CEP170: variants seen among roughly 807,000 people sequenced by gnomAD.
The protein encoded by CEP170 is centrosomal protein of 170 kDa.
CEP170 carries 21 observed loss-of-function variants against 151.9 expected under a neutral mutation model. That is an observed-to-expected ratio of 0.14 (90% CI 0.10 to 0.20). The LOEUF is 0.20. CEP170 is among the 10% of genes least tolerant of loss of function. The probability of loss-of-function intolerance (pLI) is 1.00; values close to 1 mark genes in which losing one functional copy is unlikely to be tolerated. For synonymous variants in CEP170, 356 were observed against 648.8 expected (o/e 0.55, Z 6.86); for missense variants, 964 against 1,892.9 (o/e 0.51, Z 9.11).
intron 8 of CEP170, among the ~76,000 whole-genome samples, chr1:243,186,840 T>G (rs1188825513): frequency 6.6e-6 from 1 of 152,188 alleles, no homozygotes; most frequent in Admixed American, 6.5e-5. Flanking sequence ...GTAATGTCAC[T>G]GAAATGCTTA....
At chr1:243,199,601 A>T (rs890033409) in intron 6 of CEP170, among the ~76,000 whole-genome samples, 3 of 152,172 alleles carry the variant, frequency 2.0e-5, no homozygotes, top group Non-Finnish European at 2.9e-5. Context: ...CAGTCTGATC[A>T]GAAATGGCTC....
Position 243,225,245 on chromosome 1 carries a change from T to A in CEP170, c.36A>T (p.Gly12=). ...SLTSWFLVSS[G]GTRHRLPREM... is the part of the protein sequence containing the mutation. ...CTCGTGGCAGCCTGTGGCGAGTGCC[T>A]CCACTGCTCACCAAAAACCAGGATG... is the stretch of plus-strand genomic sequence containing the variant. The change falls in exon 2 of 20, where the codon GGA becomes GGT. Residue 12 remains glycine (G), a synonymous_variant. Coordinates refer to ENST00000366542, the MANE Select transcript of CEP170 (RefSeq NM_014812.3). The A allele has an allele frequency of 1.9e-6, 3 of 1,596,876 alleles. No homozygotes were observed. The highest frequency in any genetic ancestry group is 2.6e-6 in the Non-Finnish European group (3 of 1,172,488).
At chr1:243,136,931 G>GT (rs1323833469) in intron 16 of CEP170, among the ~76,000 whole-genome samples, 5 of 152,138 alleles carry the variant, frequency 3.3e-5, no homozygotes, top group African/African-American at 1.2e-4. Context: ...ACACAAAATA[G>GT]TAAGTTTTTG....
At chr1:243,149,075 T>C (rs1251517971) in intron 14 of CEP170, among the ~76,000 whole-genome samples, 6 of 152,168 alleles carry the variant, frequency 3.9e-5, no homozygotes, top group Non-Finnish European at 4.4e-5. Flanking sequence ...TCAAAAGAGA[T>C]AGAGATTTAA....
intron 1 of CEP170, among the ~76,000 whole-genome samples, chr1:243,248,777 C>A (rs1451543286): frequency 6.6e-6 from 1 of 152,126 alleles, no homozygotes; most frequent in Non-Finnish European, 1.5e-5. Flanking sequence ...TGGCTTTGCT[C>A]AAAATCCTCC....
intron 3 of CEP170, 191 bp downstream of exon 3, chr1:243,221,533 G>T: frequency 1.9e-6 from 1 of 538,504 alleles, no homozygotes; most frequent in Non-Finnish European, 3.2e-6. Context: ...TCTGCTTATA[G>T]TTTCTTTGGA....
At chr1:243,139,393 A>C (rs1193192716) in intron 16 of CEP170, among the ~76,000 whole-genome samples, 1 of 152,066 alleles carries the variant, frequency 6.6e-6, no homozygotes, top group Non-Finnish European at 1.5e-5. Context: ...ACGTCTTTGC[A>C]GATTTTTCTA....
At position 243,239,000 on chromosome 1, in the gene CEP170, T is replaced by C. The variant is rs75056169; in HGVS notation, c.-41-13679A>G. Among the ~76,000 whole-genome samples, 985 of 152,346 alleles carry C rather than the reference T, an allele frequency of 6.5e-3. 4 individuals are homozygous for C. Among genetic ancestry groups the C allele is most frequent in the Admixed American group, 0.015 (224 of 15,300 alleles). ...TTAAATTCTGTTTTTACGGGGTTACTTCCCTATACATAATCTCTTTGGGAC... is the reference window on the plus strand; with the variant it reads ...TTAAATTCTGTTTTTACGGGGTTACCTCCCTATACATAATCTCTTTGGGAC... On this transcript the variant is annotated intron_variant, in intron 1 of 19. Transcript: ENST00000366542.
chr1:243,218,025 T>C (rs906384578), intron 3 of CEP170, among the ~76,000 whole-genome samples: 1 of 152,230 alleles, frequency 6.6e-6, no homozygotes, highest in African/African-American at 2.4e-5. Flanking sequence ...AATACCTATT[T>C]AATTTACATA....
At chr1:243,145,958 AG>A (rs1404917585) in intron 14 of CEP170, among the ~76,000 whole-genome samples, 1 of 152,222 alleles carries the variant, frequency 6.6e-6, no homozygotes, top group Non-Finnish European at 1.5e-5. Context: ...AAGCAAAAAA[AG>A]TTTTGTAAGA....
chr1:243,187,515 T>C (rs1247362492), intron 8 of CEP170, among the ~76,000 whole-genome samples: 1 of 152,218 alleles, frequency 6.6e-6, no homozygotes, highest in Non-Finnish European at 1.5e-5. Context: ...TGAATGAATT[T>C]AGTCAACGAG....
intron 14 of CEP170, among the ~76,000 whole-genome samples, chr1:243,149,046 T>C (rs2056812663): frequency 6.6e-6 from 1 of 152,202 alleles, no homozygotes; most frequent in Non-Finnish European, 1.5e-5. Flanking sequence ...ATAAAGTACA[T>C]GGAGTCTACT....
In CEP170 at chr1:243,176,476, G is replaced by A. The variant is rs867377004; in HGVS notation, c.1567-3630C>T. On this transcript the variant is annotated intron_variant, in intron 10 of 19. Coordinates refer to ENST00000366542, the MANE Select transcript of CEP170 (RefSeq NM_014812.3). ...TTCTCTCCTACAGTTCCCCCGATCC[G>A]AGTAGATACATCTCTGTGGAGTGAG... 2.3e-3 allele frequency among the ~76,000 whole-genome samples: 57 copies of A among 24,744 alleles called. 2 individuals carry two copies. The South Asian group carries it at 0.14, about 60-fold the overall frequency. The allele number at this position is 24,744 out of a possible 152,430, so 16.2% of individuals were successfully genotyped here. A position where few individuals can be genotyped will look rare whatever the true frequency, so the allele number is the denominator to read the frequency against.
chr1:243,167,281 T>C (rs1047033515), intron 12 of CEP170, among the ~76,000 whole-genome samples: 1 of 152,000 alleles, frequency 6.6e-6, no homozygotes, highest in Non-Finnish European at 1.5e-5. Context: ...AAAAAATCTA[T>C]AGCCGATTAA....
intron 4 of CEP170, among the ~76,000 whole-genome samples, chr1:243,201,337 C>A (rs571505866): frequency 6.6e-6 from 1 of 152,096 alleles, no homozygotes; most frequent in Non-Finnish European, 1.5e-5. Context: ...CTTACAGCAA[C>A]CACAACCATG....
chr1:243,139,586 T>C lies in CEP170; in HGVS notation c.4230+351A>G, dbSNP rs118040227. On this transcript the variant is annotated intron_variant, in intron 16 of 19. Coordinates refer to ENST00000366542, the MANE Select transcript of CEP170 (RefSeq NM_014812.3). ...ATTTTCTAAGGCCAAAAGTTTGTGT[T>C]TCTCTTAAGAAATCACTCCCTAGTA... Among the ~76,000 whole-genome samples, 531 of 151,736 alleles carry C rather than the reference T, an allele frequency of 3.5e-3. 25 individuals are homozygous for C. In the East Asian group the frequency reaches 0.092, roughly 26 times the overall value.
chr1:243,161,970 T>G (rs2058100385), intron 13 of CEP170, among the ~76,000 whole-genome samples: 1 of 152,172 alleles, frequency 6.6e-6, no homozygotes, highest in African/African-American at 2.4e-5. Flanking sequence ...TATAGTATGT[T>G]CTCACTGAAG....
chr1:243,146,969 A>G (rs2148368805), intron 14 of CEP170, among the ~76,000 whole-genome samples: 1 of 145,706 alleles, frequency 6.9e-6, no homozygotes, highest in Non-Finnish European at 1.5e-5. Flanking sequence ...TAACCAGTAA[A>G]GACCAATTGT....
intron 4 of CEP170, among the ~76,000 whole-genome samples, chr1:243,209,973 A>G (rs575956689): frequency 2.0e-3 from 310 of 152,286 alleles, no homozygotes; most frequent in African/African-American, 6.6e-3. Context: ...GATTACAGGC[A>G]TGAGCCACCG....
Sources: allele counts gnomAD v4.1 joint callset (sites outside exome capture counted in the v4.1 genomes callset), GRCh38; gene constraint gnomAD v4.1.1; transcripts MANE v1.5; gene names NCBI Gene and HGNC (gene_info 2026-07-23, HGNC 2026-07-21).